Variants in DNMT3A observed in about 807,000 individuals in gnomAD.
DNMT3A encodes the protein DNA (cytosine-5)-methyltransferase 3A.
In DNMT3A, 267 loss-of-function variants were observed where a neutral mutation model predicts 117.6. The observed-to-expected ratio is 2.27, with a 90% CI of 2.05 to 2.51. The LOEUF is 2.51. Among genes scored for constraint, DNMT3A ranks in the 30% most tolerant of loss-of-function variants. The probability of loss-of-function intolerance (pLI) is 0.00; values close to 1 mark genes in which losing one functional copy is unlikely to be tolerated. For missense variants in DNMT3A, 1,029 were observed against 1,260.2 expected, an observed-to-expected ratio of 0.82 and a Z score of 2.78; for synonymous variants, 432 against 474.8, an observed-to-expected ratio of 0.91 and a Z score of 1.17.
intron 2 of DNMT3A, among the ~76,000 whole-genome samples, chr2:25,302,641 A>G (rs899802007): frequency 1.3e-5 from 2 of 152,200 alleles, no homozygotes; most frequent in African/African-American, 4.8e-5. Context: ...GCCCCATGGG[A>G]GGGGAGGCCT....
rs1012109678 is a variant in DNMT3A at position 25,282,275 on chromosome 2, G to A, written c.448+166C>T. The A allele has an allele frequency of 7.6e-5, 108 of 1,428,808 alleles. No homozygotes were observed. Among genetic ancestry groups the A allele is most frequent in the Non-Finnish European group, 2.3e-5 (25 of 1,092,106 alleles). The allele number at this position is 1,428,808 out of a possible 1,614,324, so 88.5% of individuals were successfully genotyped here. Reference sequence around the variant, plus strand: ...ACTCTATGGGCCAAATAAAACATATGCGCAGGCTGCATCCAGCCAGTAGCC... The same window carrying A: ...ACTCTATGGGCCAAATAAAACATATACGCAGGCTGCATCCAGCCAGTAGCC... On this transcript the variant is annotated intron_variant, in intron 4 of 22. Coordinates refer to ENST00000321117, the MANE Select transcript of DNMT3A (RefSeq NM_022552.5). This position sits in a 1 kb window ranked among gnomAD's most constrained non-coding sequence, Gnocchi z 5.2.
intron 12 of DNMT3A, 37 bp from the exon 13 acceptor site, chr2:25,245,369 C>A: frequency 1.3e-6 from 2 of 1,586,966 alleles, no homozygotes; most frequent in Non-Finnish European, 1.7e-6. Context: ...TGAGTACCAC[C>A]GAAGGGCCTC....
intron 1 of DNMT3A, among the ~76,000 whole-genome samples, chr2:25,332,236 T>C (rs923338632): frequency 2.6e-5 from 4 of 152,118 alleles, no homozygotes; most frequent in Non-Finnish European, 5.9e-5. Context: ...GGCCCCTGGC[T>C]TCGTATCCCA....
In DNMT3A at chr2:25,247,121, C is replaced by CA; in HGVS notation, c.1051dup (p.Cys351LeufsTer42). 2 of 1,614,048 alleles carry CA rather than the reference C, an allele frequency of 1.2e-6. No individual in the cohort carries two copies. Among genetic ancestry groups the CA allele is most frequent in the Non-Finnish European group, 1.7e-6 (2 of 1,179,980 alleles). On this transcript the variant is annotated frameshift_variant, in exon 9 of 23. Transcript: ENST00000321117. LOFTEE classifies it high-confidence loss of function. This position sits in a 1 kb window ranked among gnomAD's most constrained non-coding sequence, Gnocchi z 5.6. ...GTACGTGGCCTGGTGGAACGCACTG[C>CA]AAAACGAGCTCAGCGGCATCAGCTT...
intron 3 of DNMT3A, among the ~76,000 whole-genome samples, chr2:25,291,761 A>G (rs1428938900): frequency 6.6e-6 from 1 of 152,228 alleles, no homozygotes; most frequent in Admixed American, 6.5e-5. Context: ...AAAGCCTTAG[A>G]GGTCACTCAG....
chr2:25,332,125 C>T (rs2035035536), intron 1 of DNMT3A, among the ~76,000 whole-genome samples: 1 of 152,194 alleles, frequency 6.6e-6, no homozygotes, highest in South Asian at 2.1e-4. Flanking sequence ...ACCCTATTGC[C>T]CGAGCTCTCG....
chr2:25,237,088 C>T lies in DNMT3A; in HGVS notation c.2409-83G>A. Reference sequence around the variant, plus strand: ...CCAGCTGCACGACTCCCCTCCCTCCCCCAGCAGCCACTAGTTCACAGGGTA... The same window carrying T: ...CCAGCTGCACGACTCCCCTCCCTCCTCCAGCAGCCACTAGTTCACAGGGTA... On this transcript the variant is annotated intron_variant, in intron 20 of 22. Transcript: ENST00000321117. This position sits in a 1 kb window ranked among gnomAD's most constrained non-coding sequence, Gnocchi z 5.4. 1 of 1,398,550 alleles carries T rather than the reference C, an allele frequency of 7.2e-7. No individual in the cohort carries two copies. The highest frequency in any genetic ancestry group is 9.9e-7 in the Non-Finnish European group (1 of 1,006,060). 86.6% of individuals were successfully genotyped at this position (1,398,550 alleles called of 1,614,324 possible).
In DNMT3A at chr2:25,232,890, C is replaced by T. The variant is rs150488471; in HGVS notation, c.*1389G>A. The T allele has an allele frequency of 3.1e-3, 704 of 229,154 alleles. 3 individuals carry two copies. The highest frequency in any genetic ancestry group is 0.014 in the African/African-American group (626 of 45,176). The allele number at this position is 229,154 out of a possible 1,614,324, so 14.2% of individuals were successfully genotyped here. On this transcript the variant is annotated 3_prime_UTR_variant, in exon 23 of 23. Transcript: ENST00000321117. This position sits in a 1 kb window ranked among gnomAD's most constrained non-coding sequence, Gnocchi z 4.1. ...ACCAAAAACATCACATTCCAGGGGC[C>T]GGGAGCCGCCTTGTGCACAGAGGGG... is the stretch of plus-strand genomic sequence containing the variant.
chr2:25,258,567 A>G (rs1469683031), intron 6 of DNMT3A, among the ~76,000 whole-genome samples: 2 of 152,210 alleles, frequency 1.3e-5, no homozygotes, highest in Admixed American at 1.3e-4. Flanking sequence ...TCACAGCCTA[A>G]TTGTGTACCC....
Position 25,337,607 on chromosome 2 carries a change from G to C in DNMT3A, c.-178+4219C>G, listed in dbSNP as rs2035262337. On this transcript the variant is annotated intron_variant, in intron 1 of 22. Transcript: ENST00000321117. This position sits in a 1 kb window ranked among gnomAD's most constrained non-coding sequence, Gnocchi z 5.0. Reference sequence around the variant, plus strand: ...TTGACACTGGCTCATGTGGAAGCAAGTCCTACCCATCCACAGGTGGCGGCA... The same window carrying C: ...TTGACACTGGCTCATGTGGAAGCAACTCCTACCCATCCACAGGTGGCGGCA... Among the ~76,000 whole-genome samples, 1 of 152,190 alleles carries C rather than the reference G, an allele frequency of 6.6e-6. No individual in the cohort carries two copies.
intron 1 of DNMT3A, among the ~76,000 whole-genome samples, chr2:25,317,992 C>T (rs1013341591): frequency 3.3e-5 from 5 of 152,220 alleles, no homozygotes; most frequent in Non-Finnish European, 4.4e-5. Context: ...ACGTCAGCCT[C>T]CCAAAGTGCT....
chr2:25,325,576 G>A (rs1351021505), intron 1 of DNMT3A, among the ~76,000 whole-genome samples: 1 of 152,240 alleles, frequency 6.6e-6, no homozygotes, highest in South Asian at 2.1e-4. Flanking sequence ...TTCTGGGGAT[G>A]CTGACCTCGT....
intron 1 of DNMT3A, among the ~76,000 whole-genome samples, chr2:25,317,422 A>C (rs1406543026): frequency 6.6e-6 from 1 of 152,218 alleles, no homozygotes; most frequent in Non-Finnish European, 1.5e-5. Context: ...GAATACCACC[A>C]ACAAAATTGT....
chr2:25,330,502 T>A (rs2034975865), intron 1 of DNMT3A, among the ~76,000 whole-genome samples: 1 of 152,192 alleles, frequency 6.6e-6, no homozygotes, highest in Non-Finnish European at 1.5e-5. Flanking sequence ...TGGCTGCATG[T>A]CACAAGGCCA....
At chr2:25,329,712 CAG>C (rs1436262857) in intron 1 of DNMT3A, among the ~76,000 whole-genome samples, 17 of 144,656 alleles carry the variant, frequency 1.2e-4, no homozygotes, top group African/African-American at 1.5e-4. Context: ...CACACACACA[CAG>C]ACACACAGAT....
At chr2:25,277,428 C>A (rs1015501385) in intron 4 of DNMT3A, among the ~76,000 whole-genome samples, 2 of 151,808 alleles carry the variant, frequency 1.3e-5, no homozygotes, top group African/African-American at 4.9e-5. Flanking sequence ...GATCAGGTGG[C>A]GGCCTGGGGG....
At position 25,305,432 on chromosome 2, in the gene DNMT3A, C is replaced by T. The variant is rs1422477132; in HGVS notation, c.73-5189G>A. Among the ~76,000 whole-genome samples, 2 of 152,158 alleles carry T rather than the reference C, an allele frequency of 1.3e-5. No individual in the cohort carries two copies. The highest frequency in any genetic ancestry group is 2.4e-5 in the African/African-American group (1 of 41,444). ...CTCATTCTGATGCGCTGGGCTATGA[C>T]GATAATAATCTCTCACATTTGCACT... On this transcript the variant is annotated intron_variant, in intron 2 of 22. Coordinates refer to ENST00000321117, the MANE Select transcript of DNMT3A (RefSeq NM_022552.5). The surrounding 1 kb of genome is among the most constrained non-coding windows in gnomAD (Gnocchi z 4.1).
intron 2 of DNMT3A, among the ~76,000 whole-genome samples, chr2:25,310,166 G>C (rs1171407149): frequency 6.6e-6 from 1 of 152,188 alleles, no homozygotes; most frequent in Admixed American, 6.5e-5. Flanking sequence ...GGACAGAACT[G>C]AGAACAGGGG....
At chr2:25,314,324 A>G (rs1183591835) in intron 1 of DNMT3A, 163 bp from the exon 2 acceptor site, 1 of 985,084 alleles carries the variant, frequency 1.0e-6, no homozygotes, top group Non-Finnish European at 1.2e-6. Context: ...GGCTCCCTTC[A>G]GGGCCACCTC....
Sources: allele counts gnomAD v4.1 joint callset (sites outside exome capture counted in the v4.1 genomes callset), GRCh38; gene constraint gnomAD v4.1.1; non-coding constraint Gnocchi (gnomAD v3.1); transcripts MANE v1.5; gene names NCBI Gene and HGNC (gene_info 2026-07-23, HGNC 2026-07-21).